FOXN2: variants seen among roughly 807,000 people sequenced by gnomAD.
FOXN2 encodes forkhead box protein N2.
A neutral mutation model predicts 41.2 loss-of-function variants in FOXN2; 19 were observed. That is an observed-to-expected ratio of 0.46 (90% CI 0.32 to 0.68). The LOEUF is 0.68. FOXN2 is among the 30% of genes least tolerant of loss of function. The pLI is 0.03. For synonymous variants in FOXN2, 195 were observed against 176.8 expected, an observed-to-expected ratio of 1.10 and a Z score of -0.82; for missense variants, 587 against 509.4, an observed-to-expected ratio of 1.15 and a Z score of -1.47.
chr2:48,319,597 A>G (rs1385010422), intron 1 of FOXN2, among the ~76,000 whole-genome samples: 1 of 147,974 alleles, frequency 6.8e-6, no homozygotes, highest in Non-Finnish European at 1.5e-5. Context: ...ACTGAACAGA[A>G]TTTTCATATA....
At chr2:48,365,157 G>A (rs1054505890) in intron 5 of FOXN2, among the ~76,000 whole-genome samples, 1 of 152,046 alleles carries the variant, frequency 6.6e-6, no homozygotes, top group African/African-American at 2.4e-5. Flanking sequence ...AAATATTTTG[G>A]CTCTTTGGAA....
chr2:48,363,079 A>G, intron 5 of FOXN2, among the ~76,000 whole-genome samples: 1 of 152,214 alleles, frequency 6.6e-6, no homozygotes, highest in Admixed American at 6.5e-5. Context: ...AGCCTCACAC[A>G]GGTCCTTTAG....
At position 48,324,021 on chromosome 2, in the gene FOXN2, G is replaced by C. The variant is rs1267758662; in HGVS notation, c.-156-4540G>C. 3.9e-5 allele frequency among the ~76,000 whole-genome samples: 6 copies of C among 152,070 alleles called. No individual in the cohort carries two copies. In the East Asian group the frequency reaches 1.2e-3, roughly 29 times the overall value. Reference sequence around the variant, plus strand: ...AATTACTACTTTGAAATACTGTTCAGATGGAATTAAAATAATATTTTAAAA... The same window carrying C: ...AATTACTACTTTGAAATACTGTTCACATGGAATTAAAATAATATTTTAAAA... On this transcript the variant is annotated intron_variant, in intron 1 of 6. Coordinates refer to ENST00000340553, the MANE Select transcript of FOXN2 (RefSeq NM_002158.4).
chr2:48,356,457 A>G (rs1316702759), intron 3 of FOXN2, among the ~76,000 whole-genome samples: 1 of 152,164 alleles, frequency 6.6e-6, no homozygotes, highest in Non-Finnish European at 1.5e-5. Flanking sequence ...AAAAGTTAAT[A>G]TCCAAGTCTT....
chr2:48,341,398 A>G (rs1193201191), intron 2 of FOXN2, among the ~76,000 whole-genome samples: 1 of 152,182 alleles, frequency 6.6e-6, no homozygotes, highest in Non-Finnish European at 1.5e-5. Flanking sequence ...ACACACTAAA[A>G]TTGTGCACAG....
At chr2:48,371,166 G>A (rs1672870607) in intron 5 of FOXN2, among the ~76,000 whole-genome samples, 1 of 152,198 alleles carries the variant, frequency 6.6e-6, no homozygotes, top group Non-Finnish European at 1.5e-5. Context: ...GGGAGGCCGA[G>A]GCAGGCAGAT....
chr2:48,373,344 A>G lies in FOXN2; in HGVS notation c.756A>G (p.Glu252=). The change falls in exon 6 of 7, where the codon GAA becomes GAG. Residue 252 remains glutamate (E), a synonymous_variant. Transcript: ENST00000340553. Reference sequence around the variant, plus strand: ...TGATGCTTTTAAATACTTCTATAGAACAAGGAATTTTAGAATGTAAGTAAT... The same window carrying G: ...TGATGCTTTTAAATACTTCTATAGAGCAAGGAATTTTAGAATGTAAGTAAT... ...AAMMLLNTSI[E]QGILECEKPL... 6.3e-7 allele frequency: 1 copy of G among 1,580,990 alleles called. No individual in the cohort carries two copies. Among genetic ancestry groups the G allele is most frequent in the African/African-American group, 1.4e-5 (1 of 72,652 alleles).
intron 2 of FOXN2, among the ~76,000 whole-genome samples, chr2:48,344,829 A>C (rs1396106161): frequency 7.8e-6 from 1 of 129,004 alleles, no homozygotes; most frequent in Non-Finnish European, 1.7e-5. Flanking sequence ...AGCAAAACAA[A>C]CTCTGGAGGT....
At chr2:48,335,519 A>G (rs576750032) in intron 2 of FOXN2, among the ~76,000 whole-genome samples, 1 of 152,378 alleles carries the variant, frequency 6.6e-6, no homozygotes, top group South Asian at 2.1e-4. Context: ...ATGAAATGAT[A>G]TGCAAGACAA....
chr2:48,314,943 TGACGCGCCC>T (rs1668792964), intron 1 of FOXN2, 129 bp downstream of exon 1: 1 of 151,888 alleles, frequency 6.6e-6, no homozygotes, highest in Admixed American at 6.6e-5. Context: ...GGCTGTCCCG[TGACGCGCCC>T]GGACATTTTT....
At chr2:48,359,427 A>G (rs1672030151) in intron 4 of FOXN2, among the ~76,000 whole-genome samples, 1 of 151,176 alleles carries the variant, frequency 6.6e-6, no homozygotes, top group African/African-American at 2.4e-5. Flanking sequence ...CCTAGTAGCT[A>G]GGACTACAGG....
intron 5 of FOXN2, among the ~76,000 whole-genome samples, chr2:48,366,231 C>T (rs528887275): frequency 1.1e-3 from 170 of 152,042 alleles, no homozygotes; most frequent in Non-Finnish European, 1.6e-3. Flanking sequence ...TGTTGGCACA[C>T]GCCTGTAATT....
intron 2 of FOXN2, among the ~76,000 whole-genome samples, chr2:48,331,358 G>A (rs1670010593): frequency 6.6e-6 from 1 of 152,056 alleles, no homozygotes; most frequent in African/African-American, 2.4e-5. Flanking sequence ...GTATAGGTAA[G>A]ATAGAAACAA....
chr2:48,353,404 T>A (rs1449219925), intron 3 of FOXN2, among the ~76,000 whole-genome samples: 1 of 152,204 alleles, frequency 6.6e-6, no homozygotes, highest in Non-Finnish European at 1.5e-5. Flanking sequence ...CATTTCCTGC[T>A]TTTTTGTACT....
In FOXN2 at chr2:48,322,805, ATTTT is replaced by A. The variant is rs531242603; in HGVS notation, c.-156-5752_-156-5749del. Among the ~76,000 whole-genome samples the A allele has an allele frequency of 2.7e-3, 402 of 148,920 alleles. 2 individuals are homozygous for A. Among genetic ancestry groups the A allele is most frequent in the African/African-American group, 9.4e-3 (384 of 40,980 alleles). ...ATATCTGATATAGGTATTTCTCATAATTTTTTTAAGTTTACTTTGAAATAGGAGT... is the reference window on the plus strand; with the variant it reads ...ATATCTGATATAGGTATTTCTCATAATTTAAGTTTACTTTGAAATAGGAGT... On this transcript the variant is annotated intron_variant, in intron 1 of 6. Transcript: ENST00000340553.
chr2:48,318,482 C>G (rs183238317), intron 1 of FOXN2, among the ~76,000 whole-genome samples: 6 of 152,092 alleles, frequency 3.9e-5, no homozygotes, highest in African/African-American at 9.7e-5. Context: ...TACAAACTAA[C>G]GACATGATAA....
intron 1 of FOXN2, among the ~76,000 whole-genome samples, chr2:48,326,069 C>G (rs548689144): frequency 1.3e-5 from 2 of 152,030 alleles, no homozygotes; most frequent in African/African-American, 4.8e-5. Flanking sequence ...AGGCCAGTCT[C>G]AAACTTCTGG....
rs959535701 is a variant in FOXN2 at position 48,325,844 on chromosome 2, C to CTTTT, written c.-156-2698_-156-2695dup. On this transcript the variant is annotated intron_variant, in intron 1 of 6. Transcript: ENST00000340553. ...TTAGAGAATTCTTCCCTCAAGATTT[C>CTTTT]TTTTTTTTTTTTTTTTTTTTTTGAG... Among the ~76,000 whole-genome samples, 453 of 102,858 alleles carry CTTTT rather than the reference C, an allele frequency of 4.4e-3. 12 individuals are homozygous for CTTTT. The highest frequency in any genetic ancestry group is 0.015 in the African/African-American group (408 of 27,416). The allele number at this position is 102,858 out of a possible 152,430, so 67.5% of individuals were successfully genotyped here.
intron 5 of FOXN2, 77 bp downstream of exon 5, chr2:48,362,784 G>A (rs1164989596): frequency 2.5e-6 from 3 of 1,193,592 alleles, no homozygotes; most frequent in Admixed American, 1.8e-5. Flanking sequence ...TAACAATGGT[G>A]GTCCCCTAAG....
Sources: gnomAD v4.1 joint callset for allele counts (sites outside exome capture counted in the v4.1 genomes callset) on GRCh38, gnomAD v4.1.1 for gene constraint, MANE v1.5 for transcripts, NCBI Gene and HGNC (gene_info 2026-07-23, HGNC 2026-07-21) for gene names.